The following TRPC1 variants were observed in gnomAD, a reference collection of about 807,000 sequenced individuals.
The protein encoded by TRPC1 is transient receptor potential cation channel subfamily C member 1, also known as short transient receptor potential channel 1.
Under a neutral mutation model 88.2 loss-of-function variants are expected in TRPC1, and 42 were observed. The ratio of observed to expected loss-of-function variants is 0.48; its 90% CI spans 0.37 to 0.62. The LOEUF (loss-of-function observed/expected upper bound fraction) is 0.62, where lower values mean the gene tolerates loss of function less well. Among genes scored for constraint, TRPC1 ranks in the 20% least tolerant of loss-of-function variants. TRPC1 has a pLI of 0.00. For missense variants in TRPC1, 699 were observed against 957.3 expected (o/e 0.73, Z 3.56); for synonymous variants, 288 against 331.8 (o/e 0.87, Z 1.43).
chr3:142,797,639 A>T (rs1936493770), intron 9 of TRPC1, among the ~76,000 whole-genome samples: 1 of 152,098 alleles, frequency 6.6e-6, no homozygotes, highest in South Asian at 2.1e-4. Context: ...ATCTTGCTCC[A>T]TCACTTACTG....
intron 12 of TRPC1, 78 bp downstream of exon 12, chr3:142,804,708 A>C: frequency 7.1e-7 from 1 of 1,408,710 alleles, no homozygotes; most frequent in Non-Finnish European, 9.7e-7. Flanking sequence ...AAGCGTAAGT[A>C]TGCAGGTTCC....
chr3:142,801,342 A>G (rs1936614629), intron 9 of TRPC1: 1 of 141,814 alleles, frequency 7.1e-6, no homozygotes, highest in African/African-American at 2.7e-5. Context: ...TACCTCTAAC[A>G]ATGTTGCAAT....
chr3:142,750,134 C>T (rs967075528), intron 4 of TRPC1, among the ~76,000 whole-genome samples: 9 of 152,030 alleles, frequency 5.9e-5, no homozygotes, highest in Admixed American at 3.9e-4. Context: ...AGTGAACAGG[C>T]AAACTACAGA....
At chr3:142,736,959 C>T (rs1934160325) in intron 2 of TRPC1, among the ~76,000 whole-genome samples, 1 of 151,994 alleles carries the variant, frequency 6.6e-6, no homozygotes, top group Non-Finnish European at 1.5e-5. Context: ...TGCCTCAAAA[C>T]AGTTTTCAGT....
intron 8 of TRPC1, among the ~76,000 whole-genome samples, chr3:142,791,650 C>G (rs1936299474): frequency 6.6e-6 from 1 of 151,924 alleles, no homozygotes; most frequent in African/African-American, 2.4e-5. Context: ...AACAAAGTAA[C>G]TTAAAATGAT....
chr3:142,726,278 G>A (rs898414705), intron 1 of TRPC1, among the ~76,000 whole-genome samples: 7 of 152,132 alleles, frequency 4.6e-5, no homozygotes, highest in African/African-American at 1.7e-4. Context: ...TCAAACTGAG[G>A]ACAGAAAAAT....
At chr3:142,780,780 C>T (rs1444770114) in intron 5 of TRPC1, 54 bp from the exon 6 acceptor site, 1 of 1,499,524 alleles carries the variant, frequency 6.7e-7, no homozygotes, top group African/African-American at 1.4e-5. Flanking sequence ...GTGAATATAG[C>T]TTAATTAGAA....
chr3:142,781,732 A>G (rs928695744), intron 6 of TRPC1, among the ~76,000 whole-genome samples: 2 of 152,162 alleles, frequency 1.3e-5, no homozygotes, highest in Admixed American at 6.5e-5. Context: ...TGATATTCAT[A>G]TGTAGATAAT....
Position 142,795,786 on chromosome 3 carries a change from A to G in TRPC1, c.1581+2819A>G, listed in dbSNP as rs537920024. Among the ~76,000 whole-genome samples, 4 of 152,208 alleles carry G rather than the reference A, an allele frequency of 2.6e-5. No individual in the cohort carries two copies. In the South Asian group the frequency reaches 8.3e-4, roughly 32 times the overall value. On this transcript the variant is annotated intron_variant, in intron 9 of 12. Coordinates refer to ENST00000476941, the MANE Select transcript of TRPC1 (RefSeq NM_001251845.2). ...TGGATCTAAACAGAAGAATGAACAA[A>G]ATACAAATATACCCAAAGGGAATGT...
chr3:142,756,522 G>C (rs11923707), intron 4 of TRPC1, among the ~76,000 whole-genome samples: 6,015 of 152,066 alleles, frequency 0.04, 158 homozygotes, highest in Middle Eastern at 0.14. Context: ...ACCACGCCCG[G>C]CTAATTTTTT....
intron 4 of TRPC1, among the ~76,000 whole-genome samples, chr3:142,762,283 G>T (rs2108075979): frequency 6.6e-6 from 1 of 152,120 alleles, no homozygotes; most frequent in African/African-American, 2.4e-5. Context: ...TGATCTGCCT[G>T]CCTTGGCCTC....
chr3:142,792,855 A>G lies in TRPC1; in HGVS notation c.1469A>G (p.Asp490Gly), dbSNP rs1296121617. ...FHDFADRKDW[D>G]AFHPTLVAEG... ...GATTTTGCTGATCGGAAGGATTGGG[A>G]TGCATTCCATCCTACACTGGTGGCA... Residue 490 changes from aspartate (D) to glycine (G), a missense_variant, in exon 9 of 13, where the codon GAT becomes GGT. By Grantham distance (94) the Asp-to-Gly change is moderately conservative. This residue lies in a region of TRPC1 where 426 missense variants were observed against 641.3 expected (regional missense o/e 0.66). Transcript: ENST00000476941. The surrounding 1 kb of genome is among the most constrained non-coding windows in gnomAD (Gnocchi z 4.0). The G allele has an allele frequency of 2.5e-6, 4 of 1,599,948 alleles. No individual in the cohort carries two copies. The highest frequency in any genetic ancestry group is 3.4e-6 in the Non-Finnish European group (4 of 1,172,822).
chr3:142,779,301 G>A (rs1056270844), intron 5 of TRPC1, among the ~76,000 whole-genome samples: 5 of 152,134 alleles, frequency 3.3e-5, no homozygotes, highest in African/African-American at 1.2e-4. Flanking sequence ...GTTATAACTA[G>A]AATATATGAC....
chr3:142,731,374 ATTTTTTTTTTTTT>A (rs59613066), intron 1 of TRPC1, among the ~76,000 whole-genome samples: 5 of 79,524 alleles, frequency 6.3e-5, no homozygotes, highest in South Asian at 4.9e-4. Flanking sequence ...ATATGTTTTG[ATTTTTTTTTTTTT>A]TTTTTTTTTT....
chr3:142,724,434 G>A lies in TRPC1; in HGVS notation c.-126G>A. ...GCCCTTCGGGGCCAACGGGCCTCGA[G>A]CCGAGGCAGCAGTGGGAACGACTCA... is the stretch of plus-strand genomic sequence containing the variant. On this transcript the variant is annotated 5_prime_UTR_variant, in exon 1 of 13. Coordinates refer to ENST00000476941, the MANE Select transcript of TRPC1 (RefSeq NM_001251845.2). This position sits in a 1 kb window ranked among gnomAD's most constrained non-coding sequence, Gnocchi z 5.6. The A allele has an allele frequency of 1.0e-6, 1 of 952,842 alleles. No individual in the cohort carries two copies. The highest frequency in any genetic ancestry group is 1.9e-5 in the South Asian group (1 of 51,516). 59.0% of individuals were successfully genotyped at this position (952,842 alleles called of 1,614,324 possible). A position where few individuals can be genotyped will look rare whatever the true frequency, so the allele number is the denominator to read the frequency against.
At chr3:142,798,167 T>A (rs1936508482) in intron 9 of TRPC1, among the ~76,000 whole-genome samples, 1 of 151,994 alleles carries the variant, frequency 6.6e-6, no homozygotes, top group Non-Finnish European at 1.5e-5. Context: ...TGCAGATGAG[T>A]CTGATGCAGC....
rs1254155528 is a variant in TRPC1, at chr3:142,802,180, A to G, written c.1593A>G (p.Gly531=). Residue 531 remains glycine, a synonymous_variant, in exon 10 of 13, where the codon GGA becomes GGG. Coordinates refer to ENST00000476941, the MANE Select transcript of TRPC1 (RefSeq NM_001251845.2). ...AATATATTCCACAGATTTCAATGGG[A>G]CAGATGTTACAAGATTTTGGAAAAT... The part of the protein sequence containing the change: ...SILGPLQISM[G]QMLQDFGKFL... 2 of 1,577,938 alleles carry G rather than the reference A, an allele frequency of 1.3e-6. No homozygotes were observed. The highest frequency in any genetic ancestry group is 1.7e-6 in the Non-Finnish European group (2 of 1,166,190).
chr3:142,754,577 CTTTG>C (rs1179986116), intron 4 of TRPC1, among the ~76,000 whole-genome samples: 1 of 151,970 alleles, frequency 6.6e-6, no homozygotes, highest in Non-Finnish European at 1.5e-5. Context: ...TGCAGAAGAG[CTTTG>C]TTTAACTTGC....
chr3:142,768,735 A>G (rs1488094719), intron 4 of TRPC1, among the ~76,000 whole-genome samples: 1 of 151,858 alleles, frequency 6.6e-6, no homozygotes, highest in Non-Finnish European at 1.5e-5. Flanking sequence ...TTTTTTAACT[A>G]TTTAAGAATT....
Sources: gnomAD v4.1 joint callset for allele counts (sites outside exome capture counted in the v4.1 genomes callset) on GRCh38, gnomAD v4.1.1 for gene constraint, gnomAD v4.1.1 regional missense constraint, Gnocchi (gnomAD v3.1) non-coding constraint, MANE v1.5 for transcripts, NCBI Gene and HGNC (gene_info 2026-07-23, HGNC 2026-07-21) for gene names.